The following LRP1B variants were observed in gnomAD, a reference collection of about 807,000 sequenced individuals.
The protein encoded by LRP1B is LDL receptor related protein 1B.
Under a neutral mutation model 556.6 loss-of-function variants are expected in LRP1B, and 217 were observed. The observed-to-expected ratio is 0.39, with a 90% confidence interval of 0.35 to 0.44. The LOEUF (loss-of-function observed/expected upper bound fraction) is 0.44. Ranked by LOEUF, LRP1B falls within the 20% of genes least tolerant of loss-of-function variation. The probability of loss-of-function intolerance (pLI) is 1.00; values close to 1 mark genes in which losing one functional copy is unlikely to be tolerated. For synonymous variants in LRP1B, 2,047 were observed against 1,865.8 expected (o/e 1.10, Z -2.50); for missense variants, 5,053 against 5,620.8 (o/e 0.90, Z 3.23).
chr2:141,181,414 C>T (rs1680986334), intron 7 of LRP1B, among the ~76,000 whole-genome samples: 1 of 151,856 alleles, frequency 6.6e-6, no homozygotes, highest in African/African-American at 2.4e-5. Flanking sequence ...ACAGCATTAA[C>T]TAGTGGTAAT....
chr2:141,449,504 G>T (rs1681329567), intron 3 of LRP1B, among the ~76,000 whole-genome samples: 1 of 152,042 alleles, frequency 6.6e-6, no homozygotes, highest in Non-Finnish European at 1.5e-5. Context: ...TTGGCATTTA[G>T]TTTCTCTTTC....
rs183997940 is a variant in LRP1B, at chr2:142,047,605, A to T, written c.82+83043T>A. 6.6e-5 allele frequency among the ~76,000 whole-genome samples: 10 copies of T among 152,086 alleles called. No individual in the cohort carries two copies. The East Asian group carries it at 1.9e-3, about 30-fold the overall frequency. ...ACAGAGACTGGTTAGATGTTCACAA[A>T]CTATTTCCTATGTCTTTCTGGGCAG... On this transcript the variant is annotated intron_variant, in intron 1 of 90. Transcript: ENST00000389484.
intron 68 of LRP1B, among the ~76,000 whole-genome samples, chr2:140,373,614 A>T (rs938398866): frequency 6.6e-6 from 1 of 152,134 alleles, no homozygotes; most frequent in Admixed American, 6.6e-5. Flanking sequence ...TTATGAGATA[A>T]TAAAAGAGTT....
At chr2:140,245,502 T>C (rs533368165) in intron 87 of LRP1B, among the ~76,000 whole-genome samples, 8 of 151,560 alleles carry the variant, frequency 5.3e-5, no homozygotes, top group Admixed American at 4.0e-4. Flanking sequence ...TATTCGATCA[T>C]TGAGAAACTA....
intron 7 of LRP1B, among the ~76,000 whole-genome samples, chr2:141,069,063 T>C (rs1276290609): frequency 6.6e-6 from 1 of 152,052 alleles, no homozygotes; most frequent in Non-Finnish European, 1.5e-5. Context: ...ATTATTTTTA[T>C]CTCTTTTAAA....
chr2:141,698,839 CT>C (rs1385013805), intron 2 of LRP1B, among the ~76,000 whole-genome samples: 2 of 151,790 alleles, frequency 1.3e-5, no homozygotes, highest in Non-Finnish European at 2.9e-5. Flanking sequence ...ATTTCTGCCC[CT>C]GCCCCACTCC....
chr2:141,382,362 A>G (rs1239973305), intron 3 of LRP1B, among the ~76,000 whole-genome samples: 3 of 152,174 alleles, frequency 2.0e-5, no homozygotes, highest in Non-Finnish European at 4.4e-5. Flanking sequence ...TACTGAAAGG[A>G]CTCAGTCTCA....
At chr2:140,526,141 AATTT>A in intron 48 of LRP1B, 92 bp downstream of exon 48, 1 of 1,383,382 alleles carries the variant, frequency 7.2e-7, no homozygotes, top group African/African-American at 1.4e-5. Context: ...ATTACATACC[AATTT>A]TGGACAAAGT....
chr2:140,951,920 G>A lies in LRP1B; in HGVS notation c.2908C>T (p.Leu970=). ...ASCEFPTCEP[L]TQFVCKSGRC... Reference sequence around the variant, plus strand: ...CCACTTTTGCATACGAATTGGGTTAGTGGCTCACAAGTTGGGAATTCTGTG... The same window carrying A: ...CCACTTTTGCATACGAATTGGGTTAATGGCTCACAAGTTGGGAATTCTGTG... Residue 970 remains leucine (L), a synonymous_variant, in exon 19 of 91, where the codon CTA becomes TTA. Transcript: ENST00000389484. The A allele has an allele frequency of 1.9e-6, 3 of 1,613,828 alleles. No individual in the cohort carries two copies. The highest frequency in any genetic ancestry group is 2.2e-5 in the South Asian group (2 of 91,066).
chr2:141,061,609 G>T (rs946754561), intron 8 of LRP1B, among the ~76,000 whole-genome samples: 2 of 151,748 alleles, frequency 1.3e-5, no homozygotes, highest in Non-Finnish European at 2.9e-5. Context: ...AATCGAACTT[G>T]TTATAATAAA....
chr2:141,159,446 G>A (rs1702149768), intron 7 of LRP1B, among the ~76,000 whole-genome samples: 1 of 152,054 alleles, frequency 6.6e-6, no homozygotes, highest in African/African-American at 2.4e-5. Context: ...TGCCCAGGCT[G>A]GACGTGAAGC....
rs574680650 is a variant in LRP1B at position 141,123,314 on chromosome 2, A to G, written c.1014-61041T>C. Among the ~76,000 whole-genome samples the G allele has an allele frequency of 3.8e-3, 575 of 152,034 alleles. 3 individuals carry two copies. The highest frequency in any genetic ancestry group is 0.011 in the African/African-American group (475 of 41,500). On this transcript the variant is annotated intron_variant, in intron 7 of 90. Coordinates refer to ENST00000389484, the MANE Select transcript of LRP1B (RefSeq NM_018557.3). ...ACAACAGTTTCTTTGCTTTGGCACC[A>G]GATGGTGATTGTGTCTTTTTTAGTA...
chr2:141,961,110 T>C (rs113732889), intron 1 of LRP1B, among the ~76,000 whole-genome samples: 12 of 151,922 alleles, frequency 7.9e-5, no homozygotes, highest in African/African-American at 2.6e-4. Flanking sequence ...TAATTATTTA[T>C]AAAATTACTT....
rs561078118 is a variant in LRP1B, at chr2:140,517,743, C to T, written c.8027-732G>A. Among the ~76,000 whole-genome samples the T allele has an allele frequency of 9.4e-5, 12 of 128,192 alleles. 1 individual carries two copies. The highest frequency in any genetic ancestry group is 1.7e-4 in the Non-Finnish European group (11 of 63,584). The allele number at this position is 128,192 out of a possible 152,430, so 84.1% of individuals were successfully genotyped here. ...TTTTTTTTGTTGAGATGGAGTTTCA[C>T]TCTGTCACCCAGGCTGGAGTGCAGT... On this transcript the variant is annotated intron_variant, in intron 49 of 90. Coordinates refer to ENST00000389484, the MANE Select transcript of LRP1B (RefSeq NM_018557.3).
chr2:140,268,438 A>G (rs561551317), intron 86 of LRP1B, among the ~76,000 whole-genome samples: 1 of 152,118 alleles, frequency 6.6e-6, no homozygotes, highest in South Asian at 2.1e-4. Context: ...CATTATGAAT[A>G]AAATAGTAGC....
intron 2 of LRP1B, among the ~76,000 whole-genome samples, chr2:141,798,705 C>CAAAAAA (rs151310050): frequency 1.6e-5 from 1 of 62,106 alleles, no homozygotes; most frequent in Non-Finnish European, 3.0e-5. Context: ...GACTCTGTCT[C>CAAAAAA]AAAAAAAAAA....
At chr2:141,720,854 A>C (rs1052685347) in intron 2 of LRP1B, among the ~76,000 whole-genome samples, 1 of 152,070 alleles carries the variant, frequency 6.6e-6, no homozygotes, top group Non-Finnish European at 1.5e-5. Context: ...TACTAAATCA[A>C]CCATGAGTTG....
rs538885146 is a variant in LRP1B at position 141,870,927 on chromosome 2, T to A, written c.83-60526A>T. 2.6e-5 allele frequency among the ~76,000 whole-genome samples: 4 copies of A among 152,098 alleles called. No homozygotes were observed. In the South Asian group the frequency reaches 8.3e-4, roughly 32 times the overall value. ...AATATCTCACTTTTGCCTTCAAGGT[T>A]GTGAGTGCACTAGTCCCCCCTGGAC... On this transcript the variant is annotated intron_variant, in intron 1 of 90. Transcript: ENST00000389484.
chr2:140,308,436 C>T (rs1419135436), intron 83 of LRP1B, among the ~76,000 whole-genome samples: 3 of 151,642 alleles, frequency 2.0e-5, no homozygotes, highest in African/African-American at 7.3e-5. Context: ...ACATAGTGAC[C>T]GATTATTATT....
Sources: gnomAD v4.1 joint callset for allele counts (sites outside exome capture counted in the v4.1 genomes callset) on GRCh38, gnomAD v4.1.1 for gene constraint, MANE v1.5 for transcripts, NCBI Gene and HGNC (gene_info 2026-07-23, HGNC 2026-07-21) for gene names.